Variants in CLOCK observed in about 807,000 individuals in gnomAD.
CLOCK encodes clock circadian regulator.
In CLOCK, 43 loss-of-function variants were observed where a neutral mutation model predicts 118.4. The observed-to-expected ratio is 0.36, with a 90% CI of 0.28 to 0.47. The LOEUF (loss-of-function observed/expected upper bound fraction) is 0.47, where lower values mean the gene tolerates loss of function less well. Among genes scored for constraint, CLOCK ranks in the 20% least tolerant of loss-of-function variants. The pLI, the probability that CLOCK is intolerant of heterozygous loss-of-function variation, is 1.00. For synonymous variants in CLOCK, 326 were observed against 339.2 expected, an observed-to-expected ratio of 0.96 and a Z score of 0.43; for missense variants, 846 against 999.9, an observed-to-expected ratio of 0.85 and a Z score of 2.08.
intron 1 of CLOCK, among the ~76,000 whole-genome samples, chr4:55,541,826 T>C (rs989620458): frequency 1.4e-5 from 2 of 142,394 alleles, no homozygotes; most frequent in East Asian, 4.8e-4. Context: ...GTCTCACAGA[T>C]GCCTGCTAAA....
chr4:55,533,444 T>G (rs1314007526), intron 1 of CLOCK, among the ~76,000 whole-genome samples: 1 of 152,180 alleles, frequency 6.6e-6, no homozygotes, highest in African/African-American at 2.4e-5. Flanking sequence ...AAATATGATA[T>G]TACTAATTTA....
chr4:55,505,910 T>C (rs549350040), intron 2 of CLOCK, among the ~76,000 whole-genome samples: 42 of 151,798 alleles, frequency 2.8e-4, no homozygotes, highest in East Asian at 3.9e-4. Context: ...TTTGAACCAT[T>C]TGAAAGTAAA....
At chr4:55,476,799 T>C (rs1230661855) in intron 6 of CLOCK, among the ~76,000 whole-genome samples, 1 of 152,114 alleles carries the variant, frequency 6.6e-6, no homozygotes, top group South Asian at 2.1e-4. Flanking sequence ...GTAACAAATG[T>C]TTTTCTATTT....
intron 21 of CLOCK, among the ~76,000 whole-genome samples, chr4:55,441,151 T>C (rs1723336546): frequency 6.6e-6 from 1 of 152,218 alleles, no homozygotes; most frequent in South Asian, 2.1e-4. Flanking sequence ...AAATGTTTGC[T>C]AAGATGTGGT....
intron 11 of CLOCK, among the ~76,000 whole-genome samples, chr4:55,458,446 T>C (rs528625416): frequency 4.5e-4 from 69 of 152,190 alleles, no homozygotes; most frequent in African/African-American, 1.6e-3. Flanking sequence ...ACTTCCCTAC[T>C]TGTCATCTGT....
In CLOCK at chr4:55,480,890, C is replaced by CAAA. The variant is rs60541884; in HGVS notation, c.48-1194_48-1192dup. Among the ~76,000 whole-genome samples the CAAA allele has an allele frequency of 2.5e-3, 354 of 143,928 alleles. 4 individuals are homozygous for CAAA. Among genetic ancestry groups the CAAA allele is most frequent in the African/African-American group, 7.2e-3 (279 of 38,954 alleles). 94.4% of individuals were successfully genotyped at this position (143,928 alleles called of 152,430 possible). ...TGGCCAACAGAGTGAGACTCTGTCT[C>CAAA]AAAAAAAAAAAAGAGATGAGTTTTA... is the stretch of plus-strand genomic sequence containing the variant. On this transcript the variant is annotated intron_variant, in intron 4 of 22. Transcript: ENST00000513440.
At chr4:55,527,165 G>A (rs548392950) in intron 1 of CLOCK, among the ~76,000 whole-genome samples, 6 of 151,988 alleles carry the variant, frequency 3.9e-5, no homozygotes, top group Admixed American at 2.0e-4. Context: ...ACTTTACTGC[G>A]GTAATCATAT....
intron 13 of CLOCK, 23 bp downstream of exon 13, chr4:55,455,874 C>T (rs1404428615): frequency 1.3e-6 from 2 of 1,483,292 alleles, no homozygotes; most frequent in Non-Finnish European, 9.4e-7. Flanking sequence ...TTATTATCAC[C>T]AGAAATGTTA....
rs1726082007 is a variant in CLOCK at position 55,470,725 on chromosome 4, GTT to G, written c.428_429del (p.Glu143AlafsTer5). Reference protein sequence around the residue: ...YVSESVTSLLEHLPSDLVDQS... With the variant: ...YVSESVTSLLXHLPSDLVDQS... ...AGGATCTTTATACTTACTGGTAAAT[GTT>G]CAAGTAATGAAGTTACACTCTCAGA... is the stretch of plus-strand genomic sequence containing the variant. On this transcript the variant is annotated frameshift_variant, in exon 8 of 23. Coordinates refer to ENST00000513440, the MANE Select transcript of CLOCK (RefSeq NM_004898.4). LOFTEE classifies it high-confidence loss of function. The G allele has an allele frequency of 6.3e-7, 1 of 1,592,924 alleles. No individual in the cohort carries two copies. Among genetic ancestry groups the G allele is most frequent in the South Asian group, 1.1e-5 (1 of 90,212 alleles).
intron 11 of CLOCK, among the ~76,000 whole-genome samples, chr4:55,457,047 G>C (rs1299279234): frequency 6.6e-6 from 1 of 152,092 alleles, no homozygotes; most frequent in Non-Finnish European, 1.5e-5. Flanking sequence ...ACCTTTAGAT[G>C]CAAGCTTTTG....
At chr4:55,503,977 G>GAAAAA (rs1560463004) in intron 2 of CLOCK, among the ~76,000 whole-genome samples, 3 of 25,096 alleles carry the variant, frequency 1.2e-4, no homozygotes, top group African/African-American at 1.9e-4. Context: ...GCAAAAAGAG[G>GAAAAA]TAAAAAAAAA....
intron 2 of CLOCK, among the ~76,000 whole-genome samples, chr4:55,499,951 A>G (rs894215696): frequency 6.6e-6 from 1 of 152,074 alleles, no homozygotes; most frequent in Non-Finnish European, 1.5e-5. Context: ...CTCTTTCCCA[A>G]TTCCTCTGGC....
intron 1 of CLOCK, among the ~76,000 whole-genome samples, chr4:55,521,613 G>A (rs1458656448): frequency 6.6e-6 from 1 of 152,178 alleles, no homozygotes; most frequent in African/African-American, 2.4e-5. Flanking sequence ...ACCATACCAC[G>A]GTGGTAACAC....
chr4:55,542,817 G>A (rs1411824188), intron 1 of CLOCK, among the ~76,000 whole-genome samples: 5 of 152,040 alleles, frequency 3.3e-5, no homozygotes, highest in African/African-American at 1.2e-4. Context: ...GCTTTCGTAG[G>A]AGTCTGCAAG....
intron 20 of CLOCK, 135 bp from the exon 21 acceptor site, chr4:55,442,769 A>G: frequency 1.3e-6 from 1 of 791,444 alleles, no homozygotes; most frequent in Non-Finnish European, 2.1e-6. Context: ...TCTGGGGGAA[A>G]TATAACCACA....
chr4:55,530,962 A>G (rs1730505015), intron 1 of CLOCK, among the ~76,000 whole-genome samples: 1 of 151,962 alleles, frequency 6.6e-6, no homozygotes. Context: ...GGGCTCTAAG[A>G]GTGATATCTC....
At chr4:55,506,984 A>G (rs975298108) in intron 2 of CLOCK, among the ~76,000 whole-genome samples, 16 of 152,180 alleles carry the variant, frequency 1.1e-4, no homozygotes, top group African/African-American at 3.9e-4. Flanking sequence ...AATTTATACA[A>G]ATAAATTTGG....
At chr4:55,524,164 G>A (rs543224720) in intron 1 of CLOCK, among the ~76,000 whole-genome samples, 10 of 151,972 alleles carry the variant, frequency 6.6e-5, no homozygotes, top group Admixed American at 1.3e-4. Context: ...TGAGGCGGGC[G>A]GATCACTTGA....
At chr4:55,476,900 A>G (rs1726550912) in intron 6 of CLOCK, among the ~76,000 whole-genome samples, 1 of 152,198 alleles carries the variant, frequency 6.6e-6, no homozygotes. Context: ...TGTAGTAAGA[A>G]GTATAAACTA....
Sources: allele counts gnomAD v4.1 joint callset (sites outside exome capture counted in the v4.1 genomes callset), GRCh38; gene constraint gnomAD v4.1.1; transcripts MANE v1.5; gene names NCBI Gene and HGNC (gene_info 2026-07-23, HGNC 2026-07-21).